The following ARAP2 variants were observed in gnomAD, a reference collection of about 807,000 sequenced individuals.
ARAP2 encodes the protein ArfGAP with RhoGAP domain, ankyrin repeat and PH domain 2, also known as arf-GAP with Rho-GAP domain, ANK repeat and PH domain-containing protein 2.
Under a neutral mutation model 194.5 loss-of-function variants are expected in ARAP2, and 148 were observed. The observed-to-expected ratio is 0.76, with a 90% CI of 0.67 to 0.87. ARAP2 has a LOEUF of 0.87. ARAP2 is among the 40% of genes least tolerant of loss of function. The pLI, the probability that ARAP2 is intolerant of heterozygous loss-of-function variation, is 0.00. For synonymous variants in ARAP2, 695 were observed against 683.5 expected (o/e 1.02, Z -0.26); for missense variants, 2,128 against 1,989.7 (o/e 1.07, Z -1.32).
rs77853573 is a variant in ARAP2 at position 36,078,116 on chromosome 4, A to G, written c.4608+2100T>C. Among the ~76,000 whole-genome samples, 597 of 152,256 alleles carry G rather than the reference A, an allele frequency of 3.9e-3. 1 individual carries two copies. Among genetic ancestry groups the G allele is most frequent in the African/African-American group, 0.014 (568 of 41,564 alleles). ...TACTGATTTTCTTACCCTATTTCCTATTTTAGAAATACTAACTAAACATGT... is the reference window on the plus strand; with the variant it reads ...TACTGATTTTCTTACCCTATTTCCTGTTTTAGAAATACTAACTAAACATGT... On this transcript the variant is annotated intron_variant, in intron 31 of 32. Coordinates refer to ENST00000303965, the MANE Select transcript of ARAP2 (RefSeq NM_015230.4).
At chr4:36,217,049 G>T (rs1360544471) in intron 2 of ARAP2, among the ~76,000 whole-genome samples, 1 of 152,196 alleles carries the variant, frequency 6.6e-6, no homozygotes, top group African/African-American at 2.4e-5. Context: ...AACAGGGATG[G>T]ACTGTATAAG....
intron 2 of ARAP2, among the ~76,000 whole-genome samples, chr4:36,056,511 T>A (rs1723538341): frequency 6.6e-6 from 1 of 152,232 alleles, no homozygotes; most frequent in African/African-American, 2.4e-5. Context: ...AGAGTATATA[T>A]CTTTTTCAAA....
intron 6 of ARAP2, among the ~76,000 whole-genome samples, chr4:36,206,538 G>A (rs1244612529): frequency 2.6e-5 from 4 of 152,094 alleles, no homozygotes; most frequent in Non-Finnish European, 2.9e-5. Flanking sequence ...AATCTTATCC[G>A]TTTTGCAAAG....
At chr4:36,024,438 C>T (rs1373633301) in intron 5 of ARAP2, among the ~76,000 whole-genome samples, 1 of 152,094 alleles carries the variant, frequency 6.6e-6, no homozygotes, top group African/African-American at 2.4e-5. Flanking sequence ...ACACATTCCA[C>T]AAACAATGCT....
At chr4:36,072,280 G>GA (rs1727169685) in intron 32 of ARAP2, among the ~76,000 whole-genome samples, 1 of 152,056 alleles carries the variant, frequency 6.6e-6, no homozygotes, top group South Asian at 2.1e-4. Flanking sequence ...TCCAGTAATT[G>GA]AAAATGCATG....
chr4:36,101,987 C>CTCTT (rs5857472), intron 27 of ARAP2, among the ~76,000 whole-genome samples: 142,922 of 151,670 alleles, frequency 0.94, 67,411 homozygotes, highest in African/African-American at 0.98. Flanking sequence ...TGGCATTGCT[C>CTCTT]TCTTTCTTGA....
intron 6 of ARAP2, among the ~76,000 whole-genome samples, chr4:36,205,631 T>C (rs543590739): frequency 1.3e-5 from 2 of 152,016 alleles, no homozygotes; most frequent in Admixed American, 6.5e-5. Context: ...TCGAGGTTTA[T>C]TGAGCATCAA....
chr4:36,061,047 C>T (rs915786953), downstream of ARAP2, among the ~76,000 whole-genome samples: 1 of 151,892 alleles, frequency 6.6e-6, no homozygotes, highest in Non-Finnish European at 1.5e-5. Context: ...GAAAACATTG[C>T]TAGAAGCAGT....
chr4:36,237,462 G>C (rs1752662183), intron 1 of ARAP2, among the ~76,000 whole-genome samples: 1 of 152,194 alleles, frequency 6.6e-6, no homozygotes, highest in African/African-American at 2.4e-5. Context: ...GGGAAGTCAT[G>C]GGGGAGGATC....
chr4:36,095,071 G>A (rs1253732043), intron 27 of ARAP2, among the ~76,000 whole-genome samples: 1 of 152,056 alleles, frequency 6.6e-6, no homozygotes. Context: ...GTATTGACAG[G>A]GGCATCAGAC....
At position 36,228,357 on chromosome 4, in the gene ARAP2, C is replaced by G. The variant is rs1413539528; in HGVS notation, c.905+225G>C. Among the ~76,000 whole-genome samples, 6 of 152,184 alleles carry G rather than the reference C, an allele frequency of 3.9e-5. 1 individual carries two copies. Among genetic ancestry groups the G allele is most frequent in the Admixed American group, 3.3e-4 (5 of 15,258 alleles). On this transcript the variant is annotated intron_variant, in intron 2 of 32. Transcript: ENST00000303965. ...AGAATTAAGGGAAGGGATGTCCCCC[C>G]GCTTAAATAGGGAAAAGCTAAAGAG... is the stretch of plus-strand genomic sequence containing the variant.
intron 5 of ARAP2, among the ~76,000 whole-genome samples, chr4:36,043,845 G>GAAGGGAAGGGAA (rs1560311674): frequency 2.5e-4 from 9 of 35,908 alleles, no homozygotes; most frequent in African/African-American, 3.4e-4. Context: ...GGAGGGGAGG[G>GAAGGGAAGGGAA]GGGAGGGGAG....
At chr4:36,078,778 A>G (rs1376851627) in intron 31 of ARAP2, among the ~76,000 whole-genome samples, 1 of 152,198 alleles carries the variant, frequency 6.6e-6, no homozygotes, top group Non-Finnish European at 1.5e-5. Context: ...AAACAAAAAC[A>G]TCAGTTTAGT....
intron 7 of ARAP2, among the ~76,000 whole-genome samples, chr4:36,190,490 C>A (rs1741630569): frequency 6.6e-6 from 1 of 152,132 alleles, no homozygotes; most frequent in African/African-American, 2.4e-5. Context: ...TCTCTGATGG[C>A]TCATTTTTAA....
chr4:36,084,857 A>C (rs1233651278), intron 28 of ARAP2, among the ~76,000 whole-genome samples: 1 of 151,978 alleles, frequency 6.6e-6, no homozygotes, highest in Non-Finnish European at 1.5e-5. Context: ...ATAGTAGATA[A>C]TATGTTTTAA....
At chr4:36,064,649 C>A (rs1033601591), downstream of ARAP2, among the ~76,000 whole-genome samples, 2 of 152,194 alleles carry the variant, frequency 1.3e-5, no homozygotes, top group Admixed American at 1.3e-4. Flanking sequence ...CAACCTGGTT[C>A]CCTGTGGGGA....
At chr4:36,057,699 A>C (rs571319210) in intron 2 of ARAP2, among the ~76,000 whole-genome samples, 1 of 152,162 alleles carries the variant, frequency 6.6e-6, no homozygotes, top group Non-Finnish European at 1.5e-5. Flanking sequence ...TTGATTTTTT[A>C]AAATTCCAAT....
At chr4:36,017,497 C>CA (rs1482368772) in intron 6 of ARAP2, among the ~76,000 whole-genome samples, 3 of 120,618 alleles carry the variant, frequency 2.5e-5, no homozygotes, top group Non-Finnish European at 4.8e-5. Context: ...TACTCTTTTA[C>CA]AAAAAATGGT....
rs1182261888 is a variant in ARAP2, at chr4:36,107,673, C to G, written c.4177G>C (p.Glu1393Gln). 2 of 1,608,636 alleles carry G rather than the reference C, an allele frequency of 1.2e-6. No individual in the cohort carries two copies. Among genetic ancestry groups the G allele is most frequent in the Non-Finnish European group, 1.7e-6 (2 of 1,176,896 alleles). The change falls in exon 27 of 33, where the codon GAA (glutamate) becomes CAA (glutamine). Residue 1393 changes from glutamate to glutamine, a missense_variant. Glu to Gln is a conservative substitution (Grantham distance 29). Transcript: ENST00000303965. ...CGAAGCACCTGCTCCAGTACATTTTCCTTGTAGTGAAGAGGACGCTCTGTA... is the reference window on the plus strand; with the variant it reads ...CGAAGCACCTGCTCCAGTACATTTTGCTTGTAGTGAAGAGGACGCTCTGTA... Reference protein sequence around the residue: ...EELERPLHYKENVLEQVLRWS... With the variant: ...EELERPLHYKQNVLEQVLRWS...
Sources: gnomAD v4.1 joint callset for allele counts (sites outside exome capture counted in the v4.1 genomes callset) on GRCh38, gnomAD v4.1.1 for gene constraint, MANE v1.5 for transcripts, NCBI Gene and HGNC (gene_info 2026-07-23, HGNC 2026-07-21) for gene names.